Variants in LARGE1 observed in about 807,000 individuals in gnomAD.
LARGE1 encodes LARGE xylosyl- and glucuronyltransferase 1.
A neutral mutation model predicts 87.6 loss-of-function variants in LARGE1; 43 were observed. The ratio of observed to expected loss-of-function variants is 0.49; its 90% CI spans 0.38 to 0.63. LARGE1 has a LOEUF of 0.63. LARGE1 is among the 30% of genes least tolerant of loss of function. LARGE1 has a pLI of 0.00. For missense variants in LARGE1, 802 were observed against 1,000.2 expected (o/e 0.80, Z 2.67); for synonymous variants, 434 against 394.6 (o/e 1.10, Z -1.18).
intron 3 of LARGE1, among the ~76,000 whole-genome samples, chr22:33,631,448 ATTTATT>A (rs745997234): frequency 7.9e-5 from 12 of 152,328 alleles, no homozygotes; most frequent in Middle Eastern, 3.4e-3. Context: ...TTTAAAAATT[ATTTATT>A]TTTAACTTTT....
At chr22:33,464,655 G>A (rs1322461826) in intron 6 of LARGE1, among the ~76,000 whole-genome samples, 1 of 152,006 alleles carries the variant, frequency 6.6e-6, no homozygotes, top group Non-Finnish European at 1.5e-5. Flanking sequence ...TAATATCTCA[G>A]GTATCATTCT....
intron 12 of LARGE1, among the ~76,000 whole-genome samples, chr22:33,302,848 T>G (rs1934354044): frequency 6.6e-6 from 1 of 152,030 alleles, no homozygotes; most frequent in East Asian, 1.9e-4. Flanking sequence ...TTATTTTGCT[T>G]CTCTGGGCCC....
At chr22:33,676,859 C>A (rs1267132156) in intron 2 of LARGE1, among the ~76,000 whole-genome samples, 1 of 152,138 alleles carries the variant, frequency 6.6e-6, no homozygotes, top group Non-Finnish European at 1.5e-5. Flanking sequence ...ATTTAACCTG[C>A]AGGCCAGAAT....
exon 12 of LARGE1, chr22:33,166,376 G>GTACCACCTCAATCT (rs1922269041): frequency 5.3e-6 from 1 of 187,992 alleles, no homozygotes; most frequent in Non-Finnish European, 1.1e-5. Context: ...TCCCCTGCAT[G>GTACCACCTCAATCT]TACCACCTCA....
chr22:33,320,067 G>A (rs1936562031), intron 10 of LARGE1, among the ~76,000 whole-genome samples: 1 of 152,204 alleles, frequency 6.6e-6, no homozygotes, highest in Non-Finnish European at 1.5e-5. Flanking sequence ...CATGCCAACA[G>A]TTTAATATAA....
At chr22:33,405,342 G>A (rs2147362997) in intron 7 of LARGE1, among the ~76,000 whole-genome samples, 1 of 152,228 alleles carries the variant, frequency 6.6e-6, no homozygotes, top group Admixed American at 6.5e-5. Context: ...TCCAGAACAG[G>A]CCAAGCTGGA....
chr22:33,090,483 T>C, the LARGE1 span, among the ~76,000 whole-genome samples: 2 of 151,968 alleles, frequency 1.3e-5, no homozygotes, highest in African/African-American at 4.8e-5. Flanking sequence ...AAGATAACCA[T>C]AGGGTTATTT....
intron 2 of LARGE1, among the ~76,000 whole-genome samples, chr22:33,746,037 A>C (rs1329515741): frequency 4.6e-5 from 7 of 152,236 alleles, no homozygotes; most frequent in Non-Finnish European, 1.0e-4. Flanking sequence ...ACCTATTTTC[A>C]AACTTCTCTG....
Position 33,760,315 on chromosome 22 carries a change from G to T in LARGE1, c.106+1056C>A, listed in dbSNP as rs2084676100. Among the ~76,000 whole-genome samples, 10 of 152,284 alleles carry T rather than the reference G, an allele frequency of 6.6e-5. No homozygotes were observed. In the South Asian group the frequency reaches 2.1e-3, roughly 32 times the overall value. ...TGAAACGGCTGGCTAGAAAAATGGTGAGTCTTGCTGTTCCCACTGATTTCT... is the reference window on the plus strand; with the variant it reads ...TGAAACGGCTGGCTAGAAAAATGGTTAGTCTTGCTGTTCCCACTGATTTCT... On this transcript the variant is annotated intron_variant, in intron 2 of 14. Transcript: ENST00000397394.
chr22:33,798,094 G>A (rs926713627), intron 1 of LARGE1, among the ~76,000 whole-genome samples: 4 of 152,092 alleles, frequency 2.6e-5, no homozygotes, highest in East Asian at 3.9e-4. Context: ...CCAACATGGC[G>A]AAAACCCGTC....
the LARGE1 span, among the ~76,000 whole-genome samples, chr22:33,131,331 T>A: frequency 6.6e-6 from 1 of 152,338 alleles, no homozygotes; most frequent in South Asian, 2.1e-4. Context: ...ACTGTGATTC[T>A]GTGTTTGACT....
chr22:33,505,129 G>A (rs1183072272), intron 6 of LARGE1, among the ~76,000 whole-genome samples: 3 of 152,232 alleles, frequency 2.0e-5, no homozygotes, highest in African/African-American at 4.8e-5. Context: ...CGTGAGCACT[G>A]AACAGGCATG....
chr22:33,758,701 A>G (rs1009323499), intron 2 of LARGE1, among the ~76,000 whole-genome samples: 7 of 152,180 alleles, frequency 4.6e-5, no homozygotes, highest in Non-Finnish European at 5.9e-5. Context: ...GCTGCCTTCA[A>G]ATTGACCATC....
chr22:33,834,025 G>A (rs1445530801), intron 1 of LARGE1, among the ~76,000 whole-genome samples: 2 of 152,118 alleles, frequency 1.3e-5, no homozygotes, highest in South Asian at 2.1e-4. Context: ...GGAATTCGGG[G>A]AAGCTGAATA....
intron 2 of LARGE1, among the ~76,000 whole-genome samples, chr22:33,689,123 T>A (rs1009118797): frequency 6.6e-6 from 1 of 150,390 alleles, no homozygotes; most frequent in African/African-American, 2.5e-5. Flanking sequence ...TGCGTGCTAC[T>A]GCAAGGGCTG....
chr22:33,355,974 C>A (rs1940853413), intron 9 of LARGE1, among the ~76,000 whole-genome samples: 1 of 152,110 alleles, frequency 6.6e-6, no homozygotes, highest in Non-Finnish European at 1.5e-5. Context: ...GATTTTCTGG[C>A]TGCAGGACTT....
chr22:33,736,380 A>G (rs2083657056), intron 2 of LARGE1, among the ~76,000 whole-genome samples: 1 of 152,216 alleles, frequency 6.6e-6, no homozygotes. Context: ...CATTTCCCCA[A>G]TAACTAATGA....
At chr22:33,712,600 G>T (rs2149407368) in intron 2 of LARGE1, among the ~76,000 whole-genome samples, 1 of 151,228 alleles carries the variant, frequency 6.6e-6, no homozygotes, top group Non-Finnish European at 1.5e-5. Context: ...GAAACAAACA[G>T]TAATTAGAGT....
chr22:33,745,476 C>T (rs2084045507), intron 2 of LARGE1, among the ~76,000 whole-genome samples: 2 of 152,026 alleles, frequency 1.3e-5, no homozygotes, highest in African/African-American at 2.4e-5. Flanking sequence ...CGTGTGTGTG[C>T]CCTGACAATC....
Sources: allele counts gnomAD v4.1 joint callset (sites outside exome capture counted in the v4.1 genomes callset), GRCh38; gene constraint gnomAD v4.1.1; transcripts MANE v1.5; gene names NCBI Gene and HGNC (gene_info 2026-07-23, HGNC 2026-07-21).